The following TAFA2 variants were observed in gnomAD, a reference collection of about 807,000 sequenced individuals.
The protein encoded by TAFA2 is TAFA chemokine like family member 2, also known as chemokine-like protein TAFA-2.
A neutral mutation model predicts 18.8 loss-of-function variants in TAFA2; 7 were observed. That is an observed-to-expected ratio of 0.37 (90% CI 0.21 to 0.70). The LOEUF (loss-of-function observed/expected upper bound fraction) is 0.70. Ranked by LOEUF, TAFA2 falls within the 30% of genes least tolerant of loss-of-function variation. The pLI is 0.53. For synonymous variants in TAFA2, 60 were observed against 54.2 expected (o/e 1.11, Z -0.47); for missense variants, 122 against 158.1 (o/e 0.77, Z 1.23).
intron 1 of TAFA2, among the ~76,000 whole-genome samples, chr12:62,007,695 T>C (rs1355185849): frequency 6.6e-6 from 1 of 152,194 alleles, no homozygotes; most frequent in African/African-American, 2.4e-5. Context: ...GTACTTTTTT[T>C]AAAGTTTTAC....
intron 4 of TAFA2, among the ~76,000 whole-genome samples, chr12:61,721,508 G>A (rs1869894637): frequency 6.6e-6 from 1 of 152,098 alleles, no homozygotes; most frequent in African/African-American, 2.4e-5. Context: ...CCAACATATG[G>A]ATCTAGTCAC....
chr12:62,146,575 C>A (rs1271796895), intron 1 of TAFA2, among the ~76,000 whole-genome samples: 1 of 152,136 alleles, frequency 6.6e-6, no homozygotes, highest in Non-Finnish European at 1.5e-5. Context: ...TGGTTCTTAA[C>A]CCTGAATGAA....
chr12:62,240,143 G>C (rs1408049253), intron 1 of TAFA2, among the ~76,000 whole-genome samples: 1 of 151,708 alleles, frequency 6.6e-6, no homozygotes, highest in African/African-American at 2.4e-5. Flanking sequence ...ACTGGGCCAG[G>C]CTCCGTGGCT....
chr12:62,001,834 C>T (rs1379645706), intron 1 of TAFA2, among the ~76,000 whole-genome samples: 1 of 152,118 alleles, frequency 6.6e-6, no homozygotes, highest in Non-Finnish European at 1.5e-5. Context: ...TAATTAAAAA[C>T]TATGTAAACA....
intron 1 of TAFA2, among the ~76,000 whole-genome samples, chr12:62,063,472 G>T (rs1354018711): frequency 2.0e-5 from 3 of 152,042 alleles, no homozygotes; most frequent in Non-Finnish European, 4.4e-5. Flanking sequence ...TATAGTTTGG[G>T]TTAACCTTTA....
intron 1 of TAFA2, among the ~76,000 whole-genome samples, chr12:62,146,924 G>C (rs1299232383): frequency 6.6e-6 from 1 of 151,888 alleles, no homozygotes; most frequent in African/African-American, 2.4e-5. Context: ...TAAAGTTTGG[G>C]TCCTTTATTA....
chr12:62,130,797 G>A (rs1187222222), intron 1 of TAFA2, among the ~76,000 whole-genome samples: 1 of 152,030 alleles, frequency 6.6e-6, no homozygotes, highest in Non-Finnish European at 1.5e-5. Flanking sequence ...GTTTCTTTGA[G>A]AGGGACATGC....
chr12:61,846,855 G>A (rs1873426420), intron 2 of TAFA2, among the ~76,000 whole-genome samples: 1 of 152,152 alleles, frequency 6.6e-6, no homozygotes, highest in African/African-American at 2.4e-5. Flanking sequence ...AAGGTCTGCA[G>A]TTTCAAAATC....
chr12:62,136,847 G>T (rs979392806), intron 1 of TAFA2, among the ~76,000 whole-genome samples: 1 of 152,128 alleles, frequency 6.6e-6, no homozygotes, highest in Non-Finnish European at 1.5e-5. Flanking sequence ...TGTTTGGGGG[G>T]ACATGCACCC....
intron 4 of TAFA2, among the ~76,000 whole-genome samples, chr12:61,715,446 T>G (rs1385876154): frequency 6.6e-6 from 1 of 152,018 alleles, no homozygotes; most frequent in Non-Finnish European, 1.5e-5. Context: ...CCTCCTGGGT[T>G]CATGCCATTC....
At chr12:61,942,382 A>G (rs1305224575) in intron 1 of TAFA2, among the ~76,000 whole-genome samples, 2 of 151,460 alleles carry the variant, frequency 1.3e-5, no homozygotes, top group Non-Finnish European at 2.9e-5. Context: ...TGGAAACTCT[A>G]AAACGCAGAG....
At chr12:61,762,704 C>G (rs1869611426) in intron 2 of TAFA2, among the ~76,000 whole-genome samples, 1 of 151,056 alleles carries the variant, frequency 6.6e-6, no homozygotes, top group African/African-American at 2.4e-5. Context: ...AAAAATCAAT[C>G]TGACATCAAA....
intron 1 of TAFA2, among the ~76,000 whole-genome samples, chr12:62,086,727 T>C (rs573836283): frequency 5.3e-5 from 8 of 152,204 alleles, no homozygotes; most frequent in African/African-American, 1.9e-4. Flanking sequence ...GTATTGCTAC[T>C]ATGGAAAACA....
intron 1 of TAFA2, among the ~76,000 whole-genome samples, chr12:62,124,626 A>G (rs1485676591): frequency 6.6e-6 from 1 of 152,210 alleles, no homozygotes; most frequent in Admixed American, 6.6e-5. Flanking sequence ...CCAGAAAAAA[A>G]GAATGAAAAT....
chr12:61,991,509 G>A (rs1040465654), intron 1 of TAFA2, among the ~76,000 whole-genome samples: 4 of 151,914 alleles, frequency 2.6e-5, no homozygotes, highest in East Asian at 1.9e-4. Flanking sequence ...CTTTTAAATC[G>A]CTATATTTTC....
chr12:62,163,640 G>A (rs995187110), intron 1 of TAFA2, among the ~76,000 whole-genome samples: 1 of 152,132 alleles, frequency 6.6e-6, no homozygotes, highest in African/African-American at 2.4e-5. Flanking sequence ...CAAATGAGCA[G>A]TCACGGAAAT....
intron 1 of TAFA2, among the ~76,000 whole-genome samples, chr12:61,929,009 G>A (rs1432350677): frequency 6.6e-6 from 1 of 152,144 alleles, no homozygotes; most frequent in Non-Finnish European, 1.5e-5. Flanking sequence ...GGCCTGTTGG[G>A]GGGTGAGGAA....
intron 1 of TAFA2, among the ~76,000 whole-genome samples, chr12:61,989,387 C>T (rs1879924082): frequency 6.7e-6 from 1 of 150,126 alleles, no homozygotes; most frequent in Non-Finnish European, 1.5e-5. Flanking sequence ...CCCACTTACT[C>T]CCCCAACCCT....
chr12:62,107,258 GACC>G (rs746938423), intron 1 of TAFA2, among the ~76,000 whole-genome samples: 2 of 151,280 alleles, frequency 1.3e-5, no homozygotes, highest in Non-Finnish European at 2.9e-5. Context: ...GAGAATGGAG[GACC>G]AATCAGAGTT....
Sources: gnomAD v4.1 joint callset for allele counts (sites outside exome capture counted in the v4.1 genomes callset) on GRCh38, gnomAD v4.1.1 for gene constraint, MANE v1.5 for transcripts, NCBI Gene and HGNC (gene_info 2026-07-23, HGNC 2026-07-21) for gene names.